USP33: variants seen among roughly 807,000 people sequenced by gnomAD.
USP33 encodes the protein ubiquitin specific peptidase 33.
USP33 carries 46 observed loss-of-function variants against 124.2 expected under a neutral mutation model. The observed-to-expected ratio is 0.37, with a 90% confidence interval of 0.29 to 0.47. USP33 has a LOEUF of 0.47. USP33 is among the 20% of genes least tolerant of loss of function. USP33 has a pLI of 0.99. For missense variants in USP33, 851 were observed against 1,070.6 expected, an observed-to-expected ratio of 0.79 and a Z score of 2.86; for synonymous variants, 350 against 352.3, an observed-to-expected ratio of 0.99 and a Z score of 0.07.
chr1:77,744,516 T>C (rs1457491077), intron 1 of USP33, among the ~76,000 whole-genome samples: 1 of 152,066 alleles, frequency 6.6e-6, no homozygotes, highest in Non-Finnish European at 1.5e-5. Flanking sequence ...AAAAACAAAT[T>C]ACTTAAAACT....
At chr1:77,732,935 A>G (rs185988538) in intron 7 of USP33, among the ~76,000 whole-genome samples, 128 of 151,680 alleles carry the variant, frequency 8.4e-4, no homozygotes, top group African/African-American at 3.0e-3. Context: ...CTGGGATTAC[A>G]GGCACACACC....
In USP33 at chr1:77,697,422, A is replaced by C; in HGVS notation, c.2631T>G (p.Ile877Met). 2 of 1,612,038 alleles carry C rather than the reference A, an allele frequency of 1.2e-6. No individual in the cohort carries two copies. The highest frequency in any genetic ancestry group is 1.7e-6 in the Non-Finnish European group (2 of 1,179,566). Reference protein sequence around the residue: ...SEETWNFLQSIYGGGPEVILR... With the variant: ...SEETWNFLQSMYGGGPEVILR... Reference sequence around the variant, plus strand: ...GGATAACTTCAGGCCCTCCACCATAAATAGACTGCAGAAAATTCCATGTTT... The same window carrying C: ...GGATAACTTCAGGCCCTCCACCATACATAGACTGCAGAAAATTCCATGTTT... Residue 877 changes from isoleucine (I) to methionine (M), a missense_variant, in exon 24 of 24, where the codon ATT becomes ATG. Ile to Met is a conservative substitution (Grantham distance 10). Transcript: ENST00000370794.
intron 12 of USP33, among the ~76,000 whole-genome samples, chr1:77,722,917 A>G (rs983140455): frequency 6.6e-6 from 1 of 152,234 alleles, no homozygotes; most frequent in Admixed American, 6.5e-5. Context: ...CATCCTAAAC[A>G]TGGAAAAATA....
At chr1:77,700,342 A>T (rs571531016) in intron 22 of USP33, among the ~76,000 whole-genome samples, 45 of 152,288 alleles carry the variant, frequency 3.0e-4, no homozygotes, top group African/African-American at 1.0e-3. Flanking sequence ...ATACAGAGAG[A>T]ACTCAGTAAT....
At chr1:77,747,262 T>A (rs1057346926) in intron 1 of USP33, among the ~76,000 whole-genome samples, 9 of 148,188 alleles carry the variant, frequency 6.1e-5, no homozygotes, top group Non-Finnish European at 1.0e-4. Flanking sequence ...TTTTTTTTTT[T>A]AAAGAGATGG....
chr1:77,758,633 T>C (rs1681027330), intron 1 of USP33, among the ~76,000 whole-genome samples: 1 of 152,220 alleles, frequency 6.6e-6, no homozygotes, highest in Non-Finnish European at 1.5e-5. Context: ...ATATTTGTAT[T>C]ATGCTCAAAT....
intron 1 of USP33, among the ~76,000 whole-genome samples, chr1:77,747,322 A>G (rs542884501): frequency 3.4e-5 from 5 of 146,516 alleles, no homozygotes; most frequent in Non-Finnish European, 7.4e-5. Context: ...TGGCATGATC[A>G]TAGCTCACTG....
At chr1:77,739,130 G>GA (rs1411025474) in intron 5 of USP33, 135 bp downstream of exon 5, 8 of 1,052,798 alleles carry the variant, frequency 7.6e-6, no homozygotes, top group Non-Finnish European at 1.1e-5. Context: ...TTATTTGAGA[G>GA]AAAAAAGGCA....
intron 16 of USP33, among the ~76,000 whole-genome samples, chr1:77,718,250 G>T (rs1676148814): frequency 6.6e-6 from 1 of 152,116 alleles, no homozygotes; most frequent in East Asian, 1.9e-4. Context: ...AAGTGTCAAG[G>T]TTAAGTATTG....
At chr1:77,703,801 C>T (rs540735433) in intron 21 of USP33, among the ~76,000 whole-genome samples, 2 of 152,118 alleles carry the variant, frequency 1.3e-5, no homozygotes, top group East Asian at 1.9e-4. Context: ...CACTTGAGAC[C>T]AGAAAATTCA....
chr1:77,715,535 T>A (rs1675784639), intron 18 of USP33, among the ~76,000 whole-genome samples: 1 of 152,222 alleles, frequency 6.6e-6, no homozygotes, highest in South Asian at 2.1e-4. Context: ...ACAAAATATA[T>A]CCCTTTGCTC....
chr1:77,736,470 A>C (rs1678465386), intron 5 of USP33, among the ~76,000 whole-genome samples: 1 of 152,214 alleles, frequency 6.6e-6, no homozygotes, highest in African/African-American at 2.4e-5. Context: ...ACCATAGCTA[A>C]AAAGATCTCC....
chr1:77,730,138 C>T (rs1677640743), intron 8 of USP33, among the ~76,000 whole-genome samples, 200 bp from the exon 9 acceptor site: 1 of 152,014 alleles, frequency 6.6e-6, no homozygotes, highest in African/African-American at 2.4e-5. Flanking sequence ...TTACTGCTAT[C>T]CTCCCTCAAT....
chr1:77,731,534 T>C (rs971595689), intron 7 of USP33, among the ~76,000 whole-genome samples: 2 of 151,910 alleles, frequency 1.3e-5, no homozygotes, highest in African/African-American at 4.8e-5. Flanking sequence ...TTGCCAAGTG[T>C]AATCTTTTTT....
In USP33 at chr1:77,702,872, T is replaced by C. The variant is rs369180972; in HGVS notation, c.2407-1401A>G. 1.5e-4 allele frequency among the ~76,000 whole-genome samples: 23 copies of C among 151,716 alleles called. 1 individual carries two copies. In the South Asian group the frequency reaches 4.8e-3, roughly 32 times the overall value. The stretch of plus-strand genomic sequence containing the variant: ...CACAAGCAAAAGAGGCTCGGGAAAA[T>C]TAAGAGTATTTGGAATTAATCTAAT... On this transcript the variant is annotated intron_variant, in intron 21 of 23. Coordinates refer to ENST00000370794, the MANE Select transcript of USP33 (RefSeq NM_201624.3).
At chr1:77,739,199 C>A in intron 5 of USP33, 66 bp downstream of exon 5, 1 of 1,534,366 alleles carries the variant, frequency 6.5e-7, no homozygotes, top group South Asian at 1.3e-5. Flanking sequence ...ATTTCAGCTA[C>A]ATGACAAATT....
intron 5 of USP33, among the ~76,000 whole-genome samples, chr1:77,739,017 C>A (rs552449267): frequency 6.6e-6 from 1 of 151,802 alleles, no homozygotes; most frequent in East Asian, 1.9e-4. Flanking sequence ...AAAAAAAAAA[C>A]TTCAAAAATT....
intron 21 of USP33, among the ~76,000 whole-genome samples, chr1:77,710,531 G>A (rs1325742097): frequency 6.6e-6 from 1 of 152,144 alleles, no homozygotes; most frequent in Non-Finnish European, 1.5e-5. Flanking sequence ...GATTCAAGAA[G>A]CAAATGAAGC....
intron 11 of USP33, among the ~76,000 whole-genome samples, chr1:77,723,992 C>T (rs1676878760): frequency 6.6e-6 from 1 of 151,872 alleles, no homozygotes; most frequent in South Asian, 2.1e-4. Context: ...ATAAATGATC[C>T]TTGGCCACCA....
Sources: allele counts gnomAD v4.1 joint callset (sites outside exome capture counted in the v4.1 genomes callset), GRCh38; gene constraint gnomAD v4.1.1; transcripts MANE v1.5; gene names NCBI Gene and HGNC (gene_info 2026-07-23, HGNC 2026-07-21).